Variants in FAM184A observed in about 807,000 individuals in gnomAD.
The protein encoded by FAM184A is protein FAM184A.
In FAM184A, 99 loss-of-function variants were observed where a neutral mutation model predicts 143.8. The observed-to-expected ratio is 0.69, with a 90% CI of 0.58 to 0.81. The LOEUF is 0.81. Among genes scored for constraint, FAM184A ranks in the 40% least tolerant of loss-of-function variants. FAM184A has a pLI of 0.00. For missense variants in FAM184A, 1,217 were observed against 1,310.5 expected (o/e 0.93, Z 1.10); for synonymous variants, 427 against 446.4 (o/e 0.96, Z 0.55).
chr6:119,041,806 G>A (rs1486474096), intron 1 of FAM184A, among the ~76,000 whole-genome samples: 1 of 152,214 alleles, frequency 6.6e-6, no homozygotes, highest in African/African-American at 2.4e-5. Flanking sequence ...GTCCTGCACG[G>A]CTAAGTGCCC....
intron 14 of FAM184A, among the ~76,000 whole-genome samples, chr6:118,968,221 C>T (rs939999749): frequency 1.3e-5 from 2 of 151,962 alleles, no homozygotes; most frequent in African/African-American, 2.4e-5. Context: ...GAATTGTCTT[C>T]GGGCACACAA....
upstream of FAM184A, among the ~76,000 whole-genome samples, chr6:119,083,228 C>T (rs1158023928): frequency 2.0e-5 from 3 of 152,228 alleles, no homozygotes; most frequent in Admixed American, 1.3e-4. Context: ...TTTTTTCCTC[C>T]TAGGCCTCTG....
Position 118,964,682 on chromosome 6 carries a change from A to G in FAM184A, c.3123T>C (p.Ile1041=), listed in dbSNP as rs1783440399. The change falls in exon 16 of 18, where the codon ATT becomes ATC. Residue 1041 remains isoleucine (I), a synonymous_variant. Coordinates refer to ENST00000338891, the MANE Select transcript of FAM184A (RefSeq NM_024581.6). ...CGGCACATACCTTAGCCAATGGATT[A>G]ATAACACCAACAGTAGGACTTGAGT... ...VFNSSPTVGV[I]NPLAKQKKKN... 1 of 1,594,556 alleles carries G rather than the reference A, an allele frequency of 6.3e-7. No individual in the cohort carries two copies. The highest frequency in any genetic ancestry group is 1.7e-4 in the Middle Eastern group (1 of 6,000).
chr6:119,022,920 C>T (rs772690072), intron 3 of FAM184A, 25 bp downstream of exon 3: 3 of 1,613,254 alleles, frequency 1.9e-6, no homozygotes, highest in East Asian at 2.2e-5. Flanking sequence ...CTAAGCATTA[C>T]ATCAAAAACT....
At chr6:119,076,492 G>A (rs116215499) in intron 1 of FAM184A, among the ~76,000 whole-genome samples, 89 of 152,230 alleles carry the variant, frequency 5.8e-4, no homozygotes, top group African/African-American at 2.1e-3. Context: ...GTTTACCAGT[G>A]GTGCTGACTT....
chr6:119,066,010 A>G (rs147961581), intron 1 of FAM184A, among the ~76,000 whole-genome samples: 211 of 152,344 alleles, frequency 1.4e-3, no homozygotes, highest in African/African-American at 5.0e-3. Flanking sequence ...TAAGCTTGAT[A>G]GTTTCAGTAA....
At chr6:119,048,493 G>T (rs1786620980) in intron 1 of FAM184A, among the ~76,000 whole-genome samples, 1 of 152,104 alleles carries the variant, frequency 6.6e-6, no homozygotes, top group Non-Finnish European at 1.5e-5. Flanking sequence ...ATAGTCTCGG[G>T]CCAAAAGCTC....
chr6:119,031,801 T>C (rs542983684), intron 1 of FAM184A, among the ~76,000 whole-genome samples: 149 of 152,324 alleles, frequency 9.8e-4, no homozygotes, highest in South Asian at 8.3e-3. Context: ...ACTGAATAAA[T>C]GATGGTATAT....
upstream of FAM184A, among the ~76,000 whole-genome samples, chr6:119,083,323 C>T (rs1438259649): frequency 6.6e-6 from 1 of 152,238 alleles, no homozygotes; most frequent in Non-Finnish European, 1.5e-5. Context: ...TGATATTCCT[C>T]TTCTTGTTAC....
At chr6:119,082,059 A>C (rs1209506422), upstream of FAM184A, among the ~76,000 whole-genome samples, 1 of 152,180 alleles carries the variant, frequency 6.6e-6, no homozygotes, top group Non-Finnish European at 1.5e-5. Flanking sequence ...GAAATGCAAC[A>C]TTTGGGCAGG....
intron 1 of FAM184A, among the ~76,000 whole-genome samples, chr6:119,061,626 C>A (rs1346168379): frequency 7.3e-6 from 1 of 137,702 alleles, no homozygotes; most frequent in Admixed American, 7.8e-5. Flanking sequence ...AATCCTCTCT[C>A]AACCTATGGG....
intron 1 of FAM184A, among the ~76,000 whole-genome samples, chr6:119,110,467 T>C (rs1788904294): frequency 6.6e-6 from 1 of 151,952 alleles, no homozygotes. Context: ...GGTGAGGCAA[T>C]GGAGATTTTT....
intron 17 of FAM184A, among the ~76,000 whole-genome samples, chr6:118,960,484 G>A (rs1038378259): frequency 6.6e-6 from 1 of 152,188 alleles, no homozygotes; most frequent in South Asian, 2.1e-4. Flanking sequence ...AGTAAGAATT[G>A]TGGGAAACGA....
In FAM184A at chr6:118,964,709, A is replaced by C. The variant is rs770479167; in HGVS notation, c.3096T>G (p.Phe1032Leu). 6.2e-7 allele frequency: 1 copy of C among 1,609,626 alleles called. No individual in the cohort carries two copies. The highest frequency in any genetic ancestry group is 1.3e-5 in the African/African-American group (1 of 74,808). Reference sequence around the variant, plus strand: ...TAACACCAACAGTAGGACTTGAGTTAAACACTTTGTTGAAGTTAGTTTCTC... The same window carrying C: ...TAACACCAACAGTAGGACTTGAGTTCAACACTTTGTTGAAGTTAGTTTCTC... The part of the protein sequence containing the change: ...VNRETNFNKV[F>L]NSSPTVGVIN... Residue 1032 changes from phenylalanine (F) to leucine (L), a missense_variant, in exon 16 of 18, where the codon TTT becomes TTG. Transcript: ENST00000338891.
chr6:119,030,468 T>C (rs1021772900), intron 1 of FAM184A, among the ~76,000 whole-genome samples: 6 of 151,982 alleles, frequency 3.9e-5, no homozygotes, highest in African/African-American at 1.4e-4. Flanking sequence ...ATACAGAAGA[T>C]ATAACAAAGG....
chr6:119,102,229 A>G (rs1319351606), intron 1 of FAM184A, among the ~76,000 whole-genome samples: 1 of 152,130 alleles, frequency 6.6e-6, no homozygotes, highest in East Asian at 1.9e-4. Context: ...ATTTTCAATG[A>G]AAAGAGTGAA....
At chr6:118,960,718 A>G (rs1783293438) in intron 17 of FAM184A, 3 of 998,174 alleles carry the variant, frequency 3.0e-6, no homozygotes, top group Non-Finnish European at 4.2e-6. Flanking sequence ...ACTTTTCTTA[A>G]TTCTAACTAA....
At chr6:118,979,575 A>G in intron 10 of FAM184A, 57 bp from the exon 11 acceptor site, 1 of 1,352,464 alleles carries the variant, frequency 7.4e-7, no homozygotes, top group Non-Finnish European at 1.0e-6. Flanking sequence ...AAATGCAAAC[A>G]AAATAGAAAA....
chr6:119,114,703 G>T (rs1789014642), intron 1 of FAM184A, among the ~76,000 whole-genome samples: 1 of 151,968 alleles, frequency 6.6e-6, no homozygotes, highest in South Asian at 2.1e-4. Context: ...CACCATGCCT[G>T]GCTAATTGTT....
Sources: gnomAD v4.1 joint callset for allele counts (sites outside exome capture counted in the v4.1 genomes callset) on GRCh38, gnomAD v4.1.1 for gene constraint, MANE v1.5 for transcripts, NCBI Gene and HGNC (gene_info 2026-07-23, HGNC 2026-07-21) for gene names.